HS2ST1: variants seen among roughly 807,000 people sequenced by gnomAD.
The protein encoded by HS2ST1 is heparan sulfate 2-O-sulfotransferase 1, also known as 2-O-sulfotransferase.
In HS2ST1, 18 loss-of-function variants were observed where a neutral mutation model predicts 42.9. The observed-to-expected ratio is 0.42, with a 90% CI of 0.29 to 0.62. The LOEUF (loss-of-function observed/expected upper bound fraction) is 0.62. Ranked by LOEUF, HS2ST1 falls within the 20% of genes least tolerant of loss-of-function variation. The pLI is 0.21. For missense variants in HS2ST1, 334 were observed against 433.8 expected (o/e 0.77, Z 2.04); for synonymous variants, 146 against 152.9 (o/e 0.95, Z 0.33).
intron 1 of HS2ST1, among the ~76,000 whole-genome samples, chr1:86,968,444 C>T (rs1232200800): frequency 6.7e-6 from 1 of 148,314 alleles, no homozygotes; most frequent in African/African-American, 2.5e-5. Flanking sequence ...TTTTTTTGAG[C>T]GAGGTCTCAC....
At chr1:86,933,996 G>A (rs901709379) in intron 1 of HS2ST1, among the ~76,000 whole-genome samples, 1 of 152,180 alleles carries the variant, frequency 6.6e-6, no homozygotes, top group Non-Finnish European at 1.5e-5. Flanking sequence ...GATGTGGTGT[G>A]TGTGTGTGTA....
At chr1:87,102,347 C>T (rs949960581) in intron 5 of HS2ST1, among the ~76,000 whole-genome samples, 15 of 152,094 alleles carry the variant, frequency 9.9e-5, no homozygotes, top group Non-Finnish European at 1.0e-4. Flanking sequence ...TGTGAGCCAC[C>T]GCACCAGGCC....
rs542465815 is a variant in HS2ST1 at position 87,096,932 on chromosome 1, C to T, written c.589-906C>T. On this transcript the variant is annotated intron_variant, in intron 4 of 6. Coordinates refer to ENST00000370550, the MANE Select transcript of HS2ST1 (RefSeq NM_012262.4). ...TATTTCTTCTTATGAGCTACAAAATCTGGCACAAATGATAATAAAACCACT... is the reference window on the plus strand; with the variant it reads ...TATTTCTTCTTATGAGCTACAAAATTTGGCACAAATGATAATAAAACCACT... Among the ~76,000 whole-genome samples, 29 of 152,304 alleles carry T rather than the reference C, an allele frequency of 1.9e-4. No homozygotes were observed. In the South Asian group the frequency reaches 5.8e-3, roughly 30 times the overall value.
chr1:86,957,159 ATAGTCTAAG>A (rs1570445192), intron 1 of HS2ST1, among the ~76,000 whole-genome samples: 1 of 152,242 alleles, frequency 6.6e-6, no homozygotes, highest in East Asian at 1.9e-4. Flanking sequence ...CAGGACATTT[ATAGTCTAAG>A]TTTCTTGAAT....
At chr1:87,041,234 A>C (rs1557524871) in intron 1 of HS2ST1, among the ~76,000 whole-genome samples, 2 of 88,764 alleles carry the variant, frequency 2.3e-5, no homozygotes, top group African/African-American at 3.8e-5. Flanking sequence ...CTAAAAAAAA[A>C]AAAAAACAAA....
At chr1:86,973,269 C>T (rs1648290749) in intron 1 of HS2ST1, among the ~76,000 whole-genome samples, 1 of 149,110 alleles carries the variant, frequency 6.7e-6, no homozygotes, top group African/African-American at 2.5e-5. Context: ...ATGGATTTAT[C>T]ATTCAAAATC....
At chr1:86,917,660 A>G (rs1660191886) in intron 1 of HS2ST1, among the ~76,000 whole-genome samples, 1 of 152,236 alleles carries the variant, frequency 6.6e-6, no homozygotes, top group Admixed American at 6.5e-5. Flanking sequence ...TATGATTCCA[A>G]ATCAAGTGCT....
intron 1 of HS2ST1, among the ~76,000 whole-genome samples, chr1:87,015,743 T>C (rs1649735962): frequency 6.6e-6 from 1 of 152,246 alleles, no homozygotes; most frequent in Non-Finnish European, 1.5e-5. Context: ...TTTAGAGTGA[T>C]ATTATTTTGA....
Position 86,914,992 on chromosome 1 carries a change from C to T in HS2ST1, c.-45C>T, listed in dbSNP as rs2102144993. 1 of 1,611,736 alleles carries T rather than the reference C, an allele frequency of 6.2e-7. No individual in the cohort carries two copies. The highest frequency in any genetic ancestry group is 1.1e-5 in the South Asian group (1 of 91,008). On this transcript the variant is annotated 5_prime_UTR_variant, in exon 1 of 7. Coordinates refer to ENST00000370550, the MANE Select transcript of HS2ST1 (RefSeq NM_012262.4). ...CGTCTCTCTCGCCTCCGGGGTCCCG[C>T]TCCCCGCCCCCCGCGGTATGTCTTG...
intron 1 of HS2ST1, among the ~76,000 whole-genome samples, chr1:86,939,178 ATATTTAAGGACAGGAGT>A (rs1660715786): frequency 6.6e-6 from 1 of 152,146 alleles, no homozygotes; most frequent in Non-Finnish European, 1.5e-5. Flanking sequence ...GACTTTTATT[ATATTTAAGGACAGGAGT>A]TAAATATAAG....
At chr1:87,039,633 A>G (rs1650471513) in intron 1 of HS2ST1, among the ~76,000 whole-genome samples, 1 of 152,190 alleles carries the variant, frequency 6.6e-6, no homozygotes, top group Admixed American at 6.5e-5. Context: ...TTATCCTTAT[A>G]TCAGTTCAGT....
At chr1:86,932,678 A>C (rs1319775806) in intron 1 of HS2ST1, among the ~76,000 whole-genome samples, 1 of 152,188 alleles carries the variant, frequency 6.6e-6, no homozygotes, top group Non-Finnish European at 1.5e-5. Context: ...AGTCACTAAA[A>C]GCACATGCAG....
intron 1 of HS2ST1, among the ~76,000 whole-genome samples, chr1:87,009,952 G>A (rs918592369): frequency 2.0e-5 from 3 of 151,822 alleles, no homozygotes; most frequent in African/African-American, 4.8e-5. Flanking sequence ...GGAGAATGGC[G>A]TGAACCAGGG....
intron 1 of HS2ST1, among the ~76,000 whole-genome samples, chr1:87,032,073 A>T (rs1014208965): frequency 6.6e-6 from 1 of 152,216 alleles, no homozygotes; most frequent in Non-Finnish European, 1.5e-5. Flanking sequence ...ATTCCATGTG[A>T]TATTTAATAG....
rs986791348 is a variant in HS2ST1, at chr1:87,072,966, A to G, written c.157A>G (p.Ile53Val). The change falls in exon 2 of 7, where the codon ATT (isoleucine) becomes GTT (valine). Residue 53 changes from isoleucine (I) to valine (V), a missense_variant. By Grantham distance (29) the Ile-to-Val change is conservative. Transcript: ENST00000370550. ...TATTGCAAGACACGAAGTCCGAGAA[A>G]TTGAGCAGCGACATACAATGGATGG... Reference protein sequence around the residue: ...RAIARHEVREIEQRHTMDGPR... With the variant: ...RAIARHEVREVEQRHTMDGPR... 1 of 1,613,946 alleles carries G rather than the reference A, an allele frequency of 6.2e-7. No individual in the cohort carries two copies. The highest frequency in any genetic ancestry group is 1.3e-5 in the African/African-American group (1 of 74,930).
chr1:87,031,654 G>C (rs1481817509), intron 1 of HS2ST1, among the ~76,000 whole-genome samples: 1 of 152,120 alleles, frequency 6.6e-6, no homozygotes, highest in South Asian at 2.1e-4. Flanking sequence ...CTCCTTATTT[G>C]GTTTCAGACC....
intron 1 of HS2ST1, among the ~76,000 whole-genome samples, chr1:86,985,543 CACATATATAT>C (rs1285144648): frequency 4.6e-3 from 241 of 52,310 alleles, no homozygotes; most frequent in East Asian, 0.028. Context: ...TATATATACA[CACATATATAT>C]ACACACACAC....
At chr1:86,966,315 C>T (rs1294542238) in intron 1 of HS2ST1, among the ~76,000 whole-genome samples, 1 of 152,124 alleles carries the variant, frequency 6.6e-6, no homozygotes, top group Admixed American at 6.5e-5. Context: ...TCTCTTTCCT[C>T]TCTTCTGTGT....
At chr1:87,069,814 A>G (rs1651354627) in intron 1 of HS2ST1, among the ~76,000 whole-genome samples, 1 of 152,242 alleles carries the variant, frequency 6.6e-6, no homozygotes, top group African/African-American at 2.4e-5. Context: ...CACAGTTTAT[A>G]TGATTTAATA....
Sources: gnomAD v4.1 joint callset for allele counts (sites outside exome capture counted in the v4.1 genomes callset) on GRCh38, gnomAD v4.1.1 for gene constraint, MANE v1.5 for transcripts, NCBI Gene and HGNC (gene_info 2026-07-23, HGNC 2026-07-21) for gene names.